Variants in TBC1D5 observed in about 807,000 individuals in gnomAD.
TBC1D5 encodes the protein TBC1 domain family member 5, also known as TBC1 domain family, member 5.
In TBC1D5, 75 loss-of-function variants were observed where a neutral mutation model predicts 100.3. That is an observed-to-expected ratio of 0.75 (90% CI 0.62 to 0.91). The LOEUF (loss-of-function observed/expected upper bound fraction) is 0.91. TBC1D5 is among the 40% of genes least tolerant of loss of function. TBC1D5 has a pLI of 0.00. For synonymous variants in TBC1D5, 323 were observed against 325.6 expected (o/e 0.99, Z 0.09); for missense variants, 910 against 942.4 (o/e 0.97, Z 0.45).
rs778412389 is a variant in TBC1D5 at position 17,619,752 on chromosome 3, A to T, written c.-36+4097T>A. ...AGATATAAAATTTCGCAGGACAAAA[A>T]TACATGAGAAGCAACATCAAAAAAC... is the stretch of plus-strand genomic sequence containing the variant. On this transcript the variant is annotated intron_variant, in intron 2 of 21. Coordinates refer to ENST00000253692, the Ensembl canonical transcript of TBC1D5. Among the ~76,000 whole-genome samples, 58 of 152,350 alleles carry T rather than the reference A, an allele frequency of 3.8e-4. 1 individual carries two copies. Among genetic ancestry groups the T allele is most frequent in the Middle Eastern group, 6.8e-3 (2 of 294 alleles).
chr3:17,214,639 TA>T (rs202019351), intron 17 of TBC1D5, among the ~76,000 whole-genome samples: 1,766 of 133,146 alleles, frequency 0.013, 12 homozygotes, highest in East Asian at 0.036. Flanking sequence ...TAAAAAGAAC[TA>T]AAAAAAAAAA....
At chr3:17,679,799 TTTGA>T (rs2069191837) in intron 1 of TBC1D5, among the ~76,000 whole-genome samples, 1 of 151,602 alleles carries the variant, frequency 6.6e-6, no homozygotes, top group Non-Finnish European at 1.5e-5. Context: ...CTGATTTATC[TTTGA>T]ATAGAGTTTG....
intron 13 of TBC1D5, among the ~76,000 whole-genome samples, chr3:17,347,517 C>A (rs911866221): frequency 1.4e-4 from 21 of 151,968 alleles, no homozygotes; most frequent in Non-Finnish European, 1.6e-4. Flanking sequence ...TGACAAGTTA[C>A]CTAAAATCAT....
intron 13 of TBC1D5, among the ~76,000 whole-genome samples, chr3:17,323,262 C>T (rs1282386565): frequency 1.3e-5 from 2 of 152,190 alleles, no homozygotes; most frequent in Admixed American, 6.5e-5. Context: ...AGACTCATAT[C>T]GTGAGGCCAG....
intron 2 of TBC1D5, among the ~76,000 whole-genome samples, chr3:17,520,554 T>TA (rs1175638539): frequency 6.6e-6 from 1 of 152,030 alleles, no homozygotes; most frequent in Admixed American, 6.5e-5. Flanking sequence ...TTTCAGTCAG[T>TA]AAAAAATTAT....
At chr3:17,656,571 T>G (rs1156492617) in intron 1 of TBC1D5, among the ~76,000 whole-genome samples, 1 of 152,158 alleles carries the variant, frequency 6.6e-6, no homozygotes, top group Non-Finnish European at 1.5e-5. Context: ...CCCTACTTCC[T>G]ATTCCTGCTA....
chr3:17,458,050 G>C (rs1042469141), intron 3 of TBC1D5, among the ~76,000 whole-genome samples: 1 of 152,096 alleles, frequency 6.6e-6, no homozygotes, highest in Non-Finnish European at 1.5e-5. Context: ...ACTCAAAAAA[G>C]TTATTTACCA....
chr3:17,583,859 A>C (rs2096715940), intron 2 of TBC1D5, among the ~76,000 whole-genome samples: 1 of 152,228 alleles, frequency 6.6e-6, no homozygotes, highest in Admixed American at 6.5e-5. Context: ...TCCTAGGTAC[A>C]TACCCATATG....
In TBC1D5 at chr3:17,408,268, AACACACACACACACACAC is replaced by A. The variant is rs3041146; in HGVS notation, c.168-1760_168-1743del. 3.3e-3 allele frequency among the ~76,000 whole-genome samples: 475 copies of A among 143,984 alleles called. 1 individual carries two copies. The highest frequency in any genetic ancestry group is 6.9e-3 in the Middle Eastern group (2 of 288). 94.5% of individuals were successfully genotyped at this position (143,984 alleles called of 152,430 possible). On this transcript the variant is annotated intron_variant, in intron 4 of 21. Coordinates refer to ENST00000253692, the Ensembl canonical transcript of TBC1D5. ...ATGAAAAGCCCTCAGAAGACTATCC[AACACACACACACACACAC>A]ACACACACACACACACACACACACA...
intron 17 of TBC1D5, among the ~76,000 whole-genome samples, chr3:17,236,320 A>G (rs1490998924): frequency 1.3e-5 from 2 of 152,214 alleles, no homozygotes; most frequent in African/African-American, 4.8e-5. Context: ...TAGAACAATA[A>G]AACAGTACAA....
At chr3:17,722,349 G>T (rs1224769246) in intron 1 of TBC1D5, among the ~76,000 whole-genome samples, 1 of 151,956 alleles carries the variant, frequency 6.6e-6, no homozygotes, top group Admixed American at 6.6e-5. Context: ...ATATCCTGGA[G>T]ATGGGACCCT....
chr3:17,322,932 C>T (rs1228767431), intron 13 of TBC1D5, among the ~76,000 whole-genome samples: 3 of 152,178 alleles, frequency 2.0e-5, no homozygotes, highest in African/African-American at 7.2e-5. Flanking sequence ...GCCATCGTGC[C>T]TTAGCAGCAG....
chr3:17,647,206 A>G (rs1028453331), intron 1 of TBC1D5: 9 of 152,162 alleles, frequency 5.9e-5, no homozygotes, highest in African/African-American at 2.2e-4. Flanking sequence ...ACACATAAAC[A>G]CAGTGAGTAT....
chr3:17,296,553 CAT>C (rs2082277091), intron 14 of TBC1D5, among the ~76,000 whole-genome samples: 1 of 152,178 alleles, frequency 6.6e-6, no homozygotes, highest in Non-Finnish European at 1.5e-5. Flanking sequence ...GGGTACAAAA[CAT>C]AAATAGAAAC....
chr3:17,194,389 T>G (rs1359754637), intron 18 of TBC1D5, among the ~76,000 whole-genome samples: 3 of 152,170 alleles, frequency 2.0e-5, no homozygotes, highest in Non-Finnish European at 4.4e-5. Context: ...AGCCTTCCAA[T>G]CTCCCTGAGT....
chr3:17,657,737 T>C (rs1024190480), intron 1 of TBC1D5, among the ~76,000 whole-genome samples: 3 of 152,248 alleles, frequency 2.0e-5, no homozygotes, highest in African/African-American at 7.2e-5. Context: ...TTTACATCTC[T>C]GTATCTACTT....
chr3:17,544,607 C>T (rs1171329794), intron 2 of TBC1D5, among the ~76,000 whole-genome samples: 2 of 146,316 alleles, frequency 1.4e-5, no homozygotes, highest in Non-Finnish European at 1.5e-5. Flanking sequence ...GCCGAGATCG[C>T]GCCACTGCAC....
chr3:17,435,835 G>A (rs1182872298), intron 3 of TBC1D5, among the ~76,000 whole-genome samples: 1 of 152,210 alleles, frequency 6.6e-6, no homozygotes. Context: ...GTAGAAGGCC[G>A]TGTGTGTGCC....
intron 17 of TBC1D5, among the ~76,000 whole-genome samples, chr3:17,221,499 A>C (rs2074282863): frequency 2.0e-5 from 3 of 152,004 alleles, no homozygotes; most frequent in Admixed American, 1.3e-4. Context: ...CTTAAAGTAG[A>C]AGAGGAAGGC....
Sources: gnomAD v4.1 joint callset for allele counts (sites outside exome capture counted in the v4.1 genomes callset) on GRCh38, gnomAD v4.1.1 for gene constraint, MANE v1.5 for transcripts, NCBI Gene and HGNC (gene_info 2026-07-23, HGNC 2026-07-21) for gene names.